STX1A: variants seen among roughly 807,000 people sequenced by gnomAD.
The protein encoded by STX1A is syntaxin-1A.
In STX1A, 4 loss-of-function variants were observed where a neutral mutation model predicts 37.8. That is an observed-to-expected ratio of 0.11 (90% CI 0.05 to 0.24). The LOEUF (loss-of-function observed/expected upper bound fraction) is 0.24. Ranked by LOEUF, STX1A falls within the 10% of genes least tolerant of loss-of-function variation. The pLI, the probability that STX1A is intolerant of heterozygous loss-of-function variation, is 1.00. For missense variants in STX1A, 251 were observed against 399.9 expected, an observed-to-expected ratio of 0.63 and a Z score of 3.18; for synonymous variants, 135 against 147.4, an observed-to-expected ratio of 0.92 and a Z score of 0.61.
Position 73,702,263 on chromosome 7 carries a change from A to T in STX1A, c.678+582T>A, listed in dbSNP as rs782727370. Among the ~76,000 whole-genome samples the T allele has an allele frequency of 3.3e-5, 5 of 151,924 alleles. No homozygotes were observed. The highest frequency in any genetic ancestry group is 7.4e-5 in the Non-Finnish European group (5 of 67,966). ...TCACTCCAACAAAGGCAGCCGCCCC[A>T]TCGTGGTCACGGTGTTACTCTGTGT... On this transcript the variant is annotated intron_variant, in intron 8 of 9. Coordinates refer to ENST00000222812, the MANE Select transcript of STX1A (RefSeq NM_004603.4). This position sits in a 1 kb window ranked among gnomAD's most constrained non-coding sequence, Gnocchi z 4.7.
chr7:73,704,813 C>T, intron 4 of STX1A: 2 of 513,330 alleles, frequency 3.9e-6, no homozygotes, highest in Non-Finnish European at 7.1e-6. Flanking sequence ...TCATGGGGTG[C>T]ACGTGTCTGT....
At position 73,702,040 on chromosome 7, in the gene STX1A, C is replaced by T. The variant is rs1240827523; in HGVS notation, c.678+805G>A. Among the ~76,000 whole-genome samples the T allele has an allele frequency of 2.6e-5, 4 of 152,212 alleles. No homozygotes were observed. Among genetic ancestry groups the T allele is most frequent in the East Asian group, 1.9e-4 (1 of 5,196 alleles). On this transcript the variant is annotated intron_variant, in intron 8 of 9. Transcript: ENST00000222812. The surrounding 1 kb of genome is among the most constrained non-coding windows in gnomAD (Gnocchi z 4.7). Reference sequence around the variant, plus strand: ...CTCGTCTCCAGCTTCATCTCAGCTCCGACCACTCCTTGTGCCCCAGCAGCA... The same window carrying T: ...CTCGTCTCCAGCTTCATCTCAGCTCTGACCACTCCTTGTGCCCCAGCAGCA...
rs782606855 is a variant in STX1A at position 73,700,412 on chromosome 7, C to T, written c.862G>A (p.Ala288Thr). ...AGTGGCAGTTTGGGTGGCTTCTAGG[C>T]GAAGATGCCCCCAACAGTGGAGGCG... ...VIASTVGGIF[A>T] The change falls in exon 10 of 10, where the codon GCC (alanine) becomes ACC (threonine). Residue 288 changes from alanine (A) to threonine (T), a missense_variant. Ala to Thr is a moderately conservative substitution (Grantham distance 58). This residue lies in a region of STX1A where 214 missense variants were observed against 367.6 expected (regional missense o/e 0.58). Transcript: ENST00000222812. The surrounding 1 kb of genome is among the most constrained non-coding windows in gnomAD (Gnocchi z 4.4). 6 of 1,613,804 alleles carry T rather than the reference C, an allele frequency of 3.7e-6. No homozygotes were observed. Among genetic ancestry groups the T allele is most frequent in the Non-Finnish European group, 3.4e-6 (4 of 1,179,966 alleles).
At position 73,700,877 on chromosome 7, in the gene STX1A, C is replaced by G; in HGVS notation, c.679-37G>C. 1 of 1,609,840 alleles carries G rather than the reference C, an allele frequency of 6.2e-7. No individual in the cohort carries two copies. The highest frequency in any genetic ancestry group is 2.2e-5 in the East Asian group (1 of 44,852). ...GGGGCACCCGAGCTCCAGAGGGCCC[C>G]CTCCTCAGGGTTGGGTTGGGGCTCG... On this transcript the variant is annotated intron_variant, in intron 8 of 9. Transcript: ENST00000222812. The surrounding 1 kb of genome is among the most constrained non-coding windows in gnomAD (Gnocchi z 4.4).
intron 4 of STX1A, chr7:73,704,832 A>G (rs563649096): frequency 3.8e-6 from 2 of 521,446 alleles, no homozygotes; most frequent in Admixed American, 6.5e-5. Flanking sequence ...GTTCACCCAG[A>G]ATACCGGGCT....
intron 7 of STX1A, 90 bp from the exon 8 acceptor site, chr7:73,703,072 C>G (rs1798723653): frequency 2.0e-6 from 2 of 999,230 alleles, no homozygotes; most frequent in East Asian, 5.3e-5. Flanking sequence ...GTGGGCAGAG[C>G]TGCTCCGGAA....
At chr7:73,714,698 C>G (rs1554618466) in intron 1 of STX1A, among the ~76,000 whole-genome samples, 1 of 151,902 alleles carries the variant, frequency 6.6e-6, no homozygotes, top group African/African-American at 2.4e-5. Context: ...CCAAGCCCAG[C>G]TAACATCCTG....
intron 6 of STX1A, 92 bp downstream of exon 6, chr7:73,704,056 A>C: frequency 7.2e-7 from 1 of 1,396,612 alleles, no homozygotes; most frequent in Non-Finnish European, 9.6e-7. Context: ...GCCCCTAACT[A>C]AGCAGCAGCC....
intron 4 of STX1A, 184 bp from the exon 5 acceptor site, chr7:73,704,607 G>A (rs1798803257): frequency 4.3e-6 from 3 of 695,936 alleles, no homozygotes; most frequent in Non-Finnish European, 7.3e-6. Flanking sequence ...CTGTGACGCT[G>A]TGTGGTGTGT....
At position 73,700,744 on chromosome 7, in the gene STX1A, T is replaced by C; in HGVS notation, c.775A>G (p.Ser259Gly). ...GGGCTACTGACCCGGCGCGCCTTGC[T>C]CTGGTACTTGACGGCCTTCTTGGTG... Reference protein sequence around the residue: ...SDTKKAVKYQSKARRKKIMII... With the variant: ...SDTKKAVKYQGKARRKKIMII... The change falls in exon 9 of 10, where the codon AGC becomes GGC. Residue 259 changes from serine (S) to glycine (G), a missense_variant. Transcript: ENST00000222812. The surrounding 1 kb of genome is among the most constrained non-coding windows in gnomAD (Gnocchi z 4.4). The C allele has an allele frequency of 6.2e-7, 1 of 1,613,734 alleles. No homozygotes were observed. The highest frequency in any genetic ancestry group is 1.1e-5 in the South Asian group (1 of 91,066).
chr7:73,705,807 G>A lies in STX1A; in HGVS notation c.209-583C>T, dbSNP rs1798851402. 1 of 154,878 alleles carries A rather than the reference G, an allele frequency of 6.5e-6. No homozygotes were observed. The highest frequency in any genetic ancestry group is 1.4e-5 in the Non-Finnish European group (1 of 69,854). 9.6% of individuals were successfully genotyped at this position (154,878 alleles called of 1,614,324 possible). A position where few individuals can be genotyped will look rare whatever the true frequency, so the allele number is the denominator to read the frequency against. ...CAAGGGGTGGATGGCCTGGGTGGGC[G>A]CTGATGTGGGCCCTCAGGTCCAAAG... On this transcript the variant is annotated intron_variant, in intron 3 of 9. Coordinates refer to ENST00000222812, the MANE Select transcript of STX1A (RefSeq NM_004603.4). This position sits in a 1 kb window ranked among gnomAD's most constrained non-coding sequence, Gnocchi z 5.2.
chr7:73,711,145 A>T (rs1264253607), intron 1 of STX1A, among the ~76,000 whole-genome samples: 2 of 151,028 alleles, frequency 1.3e-5, no homozygotes, highest in Non-Finnish European at 2.9e-5. Flanking sequence ...CATCAGATGC[A>T]TGCCACCACA....
At chr7:73,715,881 G>A (rs192189101) in intron 1 of STX1A, among the ~76,000 whole-genome samples, 15 of 152,340 alleles carry the variant, frequency 9.8e-5, no homozygotes, top group Admixed American at 7.2e-4. Context: ...CAGGAAAGAC[G>A]GCTGTGCAAT....
At chr7:73,703,010 C>A (rs782049944) in intron 7 of STX1A, 28 bp from the exon 8 acceptor site, 9 of 1,560,982 alleles carry the variant, frequency 5.8e-6, no homozygotes, top group Non-Finnish European at 7.8e-6. Context: ...GGGCTGGGAC[C>A]CAGAGGCTTG....
Position 73,705,721 on chromosome 7 carries a change from C to A in STX1A, c.209-497G>T, listed in dbSNP as rs1250803926. The A allele has an allele frequency of 3.1e-5, 5 of 159,720 alleles. No homozygotes were observed. The South Asian group carries it at 5.4e-4, about 17-fold the overall frequency. The allele number at this position is 159,720 out of a possible 1,614,324, so 9.9% of individuals were successfully genotyped here. On this transcript the variant is annotated intron_variant, in intron 3 of 9. Coordinates refer to ENST00000222812, the MANE Select transcript of STX1A (RefSeq NM_004603.4). The surrounding 1 kb of genome is among the most constrained non-coding windows in gnomAD (Gnocchi z 5.2). ...CGCAAACACTCTGGGTGGGGCAGAC[C>A]TTGCTGTTCCCACAAAGCTACGCCT...
chr7:73,710,516 C>T (rs1671991372), intron 1 of STX1A, among the ~76,000 whole-genome samples: 1 of 152,134 alleles, frequency 6.6e-6, no homozygotes, highest in South Asian at 2.1e-4. Flanking sequence ...ACCTCCACCT[C>T]CTGGGTTCAA....
Position 73,706,253 on chromosome 7 carries a change from C to T in STX1A, c.209-1029G>A, listed in dbSNP as rs1400052539. Among the ~76,000 whole-genome samples the T allele has an allele frequency of 6.6e-6, 1 of 152,010 alleles. No homozygotes were observed. The highest frequency in any genetic ancestry group is 1.5e-5 in the Non-Finnish European group (1 of 67,966). On this transcript the variant is annotated intron_variant, in intron 3 of 9. Coordinates refer to ENST00000222812, the MANE Select transcript of STX1A (RefSeq NM_004603.4). This position sits in a 1 kb window ranked among gnomAD's most constrained non-coding sequence, Gnocchi z 4.6. ...CCAAGTGGAATGCAGTGAGGTGGAG[C>T]GGGGAAGGGGGGGTTCCGAGGCGCG...
In STX1A at chr7:73,717,816, C is replaced by T. The variant is rs1430225174; in HGVS notation, c.30+1786G>A. 6.6e-6 allele frequency among the ~76,000 whole-genome samples: 1 copy of T among 152,170 alleles called. No homozygotes were observed. The highest frequency in any genetic ancestry group is 1.5e-5 in the Non-Finnish European group (1 of 68,014). The stretch of plus-strand genomic sequence containing the variant: ...AAAAGATCTGGGTTCAAACGCTTCA[C>T]AACCCCAGCTCCACTGGCTGTCCCC... On this transcript the variant is annotated intron_variant, in intron 1 of 9. Coordinates refer to ENST00000222812, the MANE Select transcript of STX1A (RefSeq NM_004603.4). This position sits in a 1 kb window ranked among gnomAD's most constrained non-coding sequence, Gnocchi z 4.1.
chr7:73,714,788 C>A (rs189137958), intron 1 of STX1A, among the ~76,000 whole-genome samples: 46 of 129,012 alleles, frequency 3.6e-4, no homozygotes, highest in Admixed American at 9.5e-4. Context: ...AAAAAAAAAA[C>A]AAAAACGGCT....
Sources: allele counts gnomAD v4.1 joint callset (sites outside exome capture counted in the v4.1 genomes callset), GRCh38; gene constraint gnomAD v4.1.1; regional missense constraint gnomAD v4.1.1; non-coding constraint Gnocchi (gnomAD v3.1); transcripts MANE v1.5; gene names NCBI Gene and HGNC (gene_info 2026-07-23, HGNC 2026-07-21).